Variants in SEC11A observed in about 807,000 individuals in gnomAD.
SEC11A encodes signal peptidase complex catalytic subunit SEC11A.
In SEC11A, 14 loss-of-function variants were observed where a neutral mutation model predicts 25.6. That is an observed-to-expected ratio of 0.55 (90% CI 0.36 to 0.85). The LOEUF is 0.85. Among genes scored for constraint, SEC11A ranks in the 40% least tolerant of loss-of-function variants. The probability of loss-of-function intolerance (pLI) is 0.01; values close to 1 mark genes in which losing one functional copy is unlikely to be tolerated. For missense variants in SEC11A, 153 were observed against 222.9 expected, an observed-to-expected ratio of 0.69 and a Z score of 2.00; for synonymous variants, 83 against 76.4, an observed-to-expected ratio of 1.09 and a Z score of -0.45.
At chr15:84,685,438 T>A (rs1385033521) in intron 3 of SEC11A, among the ~76,000 whole-genome samples, 1 of 149,842 alleles carries the variant, frequency 6.7e-6, no homozygotes, top group Non-Finnish European at 1.5e-5. Flanking sequence ...TTTTTTTTTT[T>A]TTTTATTTGT....
At position 84,670,785 on chromosome 15, in the gene SEC11A, AAAAC is replaced by A. The variant is rs752784734; in HGVS notation, c.432-7_432-4del. 9 of 1,403,738 alleles carry A rather than the reference AAAAC, an allele frequency of 6.4e-6. No homozygotes were observed. Among genetic ancestry groups the A allele is most frequent in the African/African-American group, 1.5e-5 (1 of 68,828 alleles). 87.0% of individuals were successfully genotyped at this position (1,403,738 alleles called of 1,614,324 possible). On this transcript the variant is annotated splice_polypyrimidine_tract_variant and splice_region_variant and intron_variant, in intron 4 of 5. Coordinates refer to ENST00000268220, the MANE Select transcript of SEC11A (RefSeq NM_014300.4). ...CAATTCCAATATAAGGAACAAATCT[AAAAC>A]AAACAAAAAACTGATTATCACAGAA...
At chr15:84,705,226 A>C (rs1898060777) in intron 1 of SEC11A, among the ~76,000 whole-genome samples, 1 of 152,180 alleles carries the variant, frequency 6.6e-6, no homozygotes, top group African/African-American at 2.4e-5. Flanking sequence ...AGCCCAGCCA[A>C]GAGTCCTCTT....
chr15:84,674,095 C>T (rs61298723), intron 4 of SEC11A, among the ~76,000 whole-genome samples: 9,376 of 151,858 alleles, frequency 0.062, 372 homozygotes, highest in African/African-American at 0.086. Flanking sequence ...AATATCCCTT[C>T]TTAGGGTTCA....
chr15:84,680,922 G>A (rs1382448955), intron 3 of SEC11A, 90 bp from the exon 4 acceptor site: 26 of 1,124,114 alleles, frequency 2.3e-5, no homozygotes, highest in South Asian at 5.4e-5. Context: ...CATGTTTGTG[G>A]CACTGGGGTA....
chr15:84,699,634 G>C (rs556714397), intron 1 of SEC11A, among the ~76,000 whole-genome samples: 16 of 151,970 alleles, frequency 1.1e-4, no homozygotes, highest in Admixed American at 9.2e-4. Context: ...ATAAAGAACT[G>C]GGGAGTTCAG....
At chr15:84,671,696 C>T (rs1266583386) in intron 4 of SEC11A, 1 of 152,206 alleles carries the variant, frequency 6.6e-6, no homozygotes, top group African/African-American at 2.4e-5. Flanking sequence ...AACAATGATG[C>T]CTATCTTGTT....
chr15:84,715,907 C>T, intron 1 of SEC11A, 118 bp downstream of exon 1: 1 of 914,062 alleles, frequency 1.1e-6, no homozygotes. Context: ...AAGCGAATGA[C>T]CCGGGTATCA....
At chr15:84,685,479 G>A (rs961918144) in intron 3 of SEC11A, among the ~76,000 whole-genome samples, 21 of 146,848 alleles carry the variant, frequency 1.4e-4, no homozygotes, top group Admixed American at 1.4e-3. Flanking sequence ...TGGTCTAGAC[G>A]CCCAGGCTGG....
At chr15:84,676,935 A>T (rs371568412) in intron 4 of SEC11A, among the ~76,000 whole-genome samples, 53 of 152,110 alleles carry the variant, frequency 3.5e-4, no homozygotes, top group African/African-American at 1.2e-3. Flanking sequence ...TACAAAAATT[A>T]AAAAAATTAG....
At chr15:84,694,678 AG>A (rs1897707525) in intron 1 of SEC11A, among the ~76,000 whole-genome samples, 3 of 152,060 alleles carry the variant, frequency 2.0e-5, no homozygotes, top group Admixed American at 2.0e-4. Flanking sequence ...ATGTACAATG[AG>A]GGGCTAGGCA....
At chr15:84,677,310 T>C (rs1897160474) in intron 4 of SEC11A, among the ~76,000 whole-genome samples, 1 of 152,074 alleles carries the variant, frequency 6.6e-6, no homozygotes, top group Non-Finnish European at 1.5e-5. Context: ...ATTCTGTGCT[T>C]CTGCTGTTCA....
Position 84,669,786 on chromosome 15 carries a change from G to C in SEC11A, c.*233C>G. The C allele has an allele frequency of 1.9e-6, 1 of 527,064 alleles. No homozygotes were observed. The highest frequency in any genetic ancestry group is 3.2e-6 in the Non-Finnish European group (1 of 316,850). 32.6% of individuals were successfully genotyped at this position (527,064 alleles called of 1,614,324 possible). On this transcript the variant is annotated 3_prime_UTR_variant, in exon 6 of 6. Coordinates refer to ENST00000268220, the MANE Select transcript of SEC11A (RefSeq NM_014300.4). ...CTGATGTACAAAAATTTGAAAGTGTGACAATGACAATTATGAAATCCTGTG... is the reference window on the plus strand; with the variant it reads ...CTGATGTACAAAAATTTGAAAGTGTCACAATGACAATTATGAAATCCTGTG...
chr15:84,705,769 C>T (rs1242628730), intron 1 of SEC11A, among the ~76,000 whole-genome samples: 1 of 151,442 alleles, frequency 6.6e-6, no homozygotes, highest in East Asian at 2.0e-4. Context: ...GCAGGAGAAC[C>T]GCTTGAACCC....
At chr15:84,670,219 C>CA in intron 5 of SEC11A, 150 bp from the exon 6 acceptor site, 1 of 574,300 alleles carries the variant, frequency 1.7e-6, no homozygotes, top group Non-Finnish European at 2.9e-6. Flanking sequence ...TAAAAGTTTC[C>CA]AATACTAAGC....
intron 2 of SEC11A, among the ~76,000 whole-genome samples, chr15:84,688,730 G>T (rs1897503499): frequency 6.6e-6 from 1 of 152,122 alleles, no homozygotes; most frequent in African/African-American, 2.4e-5. Context: ...AATGACCTGA[G>T]GGACTTTTAA....
chr15:84,699,783 GAC>G (rs374197436), intron 1 of SEC11A, among the ~76,000 whole-genome samples: 1 of 150,308 alleles, frequency 6.7e-6, no homozygotes, highest in African/African-American at 2.5e-5. Context: ...AAAAAACAAA[GAC>G]ACACACACAC....
intron 1 of SEC11A, among the ~76,000 whole-genome samples, chr15:84,695,288 C>G (rs1410543724): frequency 1.3e-5 from 2 of 151,256 alleles, no homozygotes; most frequent in Non-Finnish European, 2.9e-5. Context: ...CATGGAGAAA[C>G]CCCCATGTCT....
chr15:84,684,829 G>A (rs1897372814), intron 3 of SEC11A, among the ~76,000 whole-genome samples: 2 of 152,148 alleles, frequency 1.3e-5, no homozygotes, highest in Non-Finnish European at 1.5e-5. Context: ...CTACTTGGGA[G>A]GCTGAGGCAG....
intron 4 of SEC11A, chr15:84,679,252 A>G: frequency 2.4e-6 from 3 of 1,262,140 alleles, no homozygotes; most frequent in South Asian, 1.3e-5. Context: ...GAACTGAGGA[A>G]GATGGGGACT....
Sources: gnomAD v4.1 joint callset for allele counts (sites outside exome capture counted in the v4.1 genomes callset) on GRCh38, gnomAD v4.1.1 for gene constraint, MANE v1.5 for transcripts, NCBI Gene and HGNC (gene_info 2026-07-23, HGNC 2026-07-21) for gene names.